Variants in AFF3 observed in about 807,000 individuals in gnomAD.
AFF3 encodes the protein AF4/FMR2 family member 3.
AFF3 carries 32 observed loss-of-function variants against 129.7 expected under a neutral mutation model. That is an observed-to-expected ratio of 0.25 (90% CI 0.19 to 0.33). The LOEUF is 0.33. Among genes scored for constraint, AFF3 ranks in the 10% least tolerant of loss-of-function variants. The probability of loss-of-function intolerance (pLI) is 1.00; values close to 1 mark genes in which losing one functional copy is unlikely to be tolerated. For missense variants in AFF3, 1,373 were observed against 1,592.0 expected, an observed-to-expected ratio of 0.86 and a Z score of 2.34; for synonymous variants, 644 against 635.4, an observed-to-expected ratio of 1.01 and a Z score of -0.20.
intron 13 of AFF3, among the ~76,000 whole-genome samples, chr2:99,630,127 C>T (rs1403504582): frequency 2.0e-5 from 3 of 152,160 alleles, no homozygotes; most frequent in Admixed American, 6.5e-5. Flanking sequence ...ATTTCTTTTA[C>T]GAGCTTTGCC....
At chr2:99,603,269 T>C (rs1229510490) in intron 13 of AFF3, among the ~76,000 whole-genome samples, 1 of 152,070 alleles carries the variant, frequency 6.6e-6, no homozygotes, top group Non-Finnish European at 1.5e-5. Context: ...TGAATCGAGA[T>C]GGTTACTGTC....
chr2:99,749,903 A>C (rs1558813678), intron 9 of AFF3, among the ~76,000 whole-genome samples: 1 of 152,220 alleles, frequency 6.6e-6, no homozygotes, highest in Non-Finnish European at 1.5e-5. Context: ...TCAACTATTG[A>C]CATAGGGTAT....
chr2:99,672,085 T>A (rs1277489534), intron 12 of AFF3, among the ~76,000 whole-genome samples: 1 of 152,068 alleles, frequency 6.6e-6, no homozygotes, highest in Non-Finnish European at 1.5e-5. Context: ...AATATCTGTG[T>A]AAGACTTCTC....
At chr2:99,791,585 C>T (rs1353270319) in intron 8 of AFF3, among the ~76,000 whole-genome samples, 1 of 152,162 alleles carries the variant, frequency 6.6e-6, no homozygotes, top group Non-Finnish European at 1.5e-5. Context: ...CTTCATTATT[C>T]ACGGATTCTT....
chr2:99,789,279 A>T (rs1685026030), intron 8 of AFF3, among the ~76,000 whole-genome samples: 1 of 151,884 alleles, frequency 6.6e-6, no homozygotes, highest in South Asian at 2.1e-4. Context: ...ACAAAAAATT[A>T]TCTGGGCATG....
intron 9 of AFF3, among the ~76,000 whole-genome samples, chr2:99,749,701 C>T (rs976733629): frequency 1.3e-5 from 2 of 152,198 alleles, no homozygotes; most frequent in African/African-American, 4.8e-5. Context: ...GATGTCAATT[C>T]CACCAATGAG....
intron 7 of AFF3, 114 bp from the exon 8 acceptor site, chr2:99,837,638 T>C: frequency 1.1e-6 from 1 of 900,940 alleles, no homozygotes; most frequent in Non-Finnish European, 1.7e-6. Context: ...GAGTTACAGG[T>C]TGAGGGGATG....
chr2:100,079,456 TG>T (rs985644312), intron 4 of AFF3, among the ~76,000 whole-genome samples: 2 of 152,218 alleles, frequency 1.3e-5, no homozygotes, highest in African/African-American at 4.8e-5. Flanking sequence ...ACAAACTCCT[TG>T]AGGGCAGATG....
intron 4 of AFF3, among the ~76,000 whole-genome samples, chr2:100,086,062 A>T (rs1689404054): frequency 6.6e-6 from 1 of 151,806 alleles, no homozygotes; most frequent in Admixed American, 6.6e-5. Context: ...CACTGGATTT[A>T]CTGTGGTCAG....
At chr2:99,997,082 T>C (rs1576507769) in intron 7 of AFF3, among the ~76,000 whole-genome samples, 1 of 152,212 alleles carries the variant, frequency 6.6e-6, no homozygotes, top group East Asian at 1.9e-4. Context: ...CTGCCCTCAC[T>C]CCCTGGGTTA....
chr2:99,593,093 G>T, intron 15 of AFF3, 102 bp downstream of exon 15: 3 of 1,379,874 alleles, frequency 2.2e-6, no homozygotes, highest in Non-Finnish European at 2.9e-6. Context: ...GCAGCCTACC[G>T]TCCCAAACAG....
intron 7 of AFF3, among the ~76,000 whole-genome samples, chr2:100,002,457 T>C (rs565037861): frequency 6.6e-6 from 1 of 152,364 alleles, no homozygotes; most frequent in East Asian, 1.9e-4. Flanking sequence ...ATGCCCTTCA[T>C]GAAAATTCTA....
intron 8 of AFF3, among the ~76,000 whole-genome samples, chr2:99,820,094 G>T (rs550111320): frequency 6.6e-6 from 1 of 152,284 alleles, no homozygotes; most frequent in Admixed American, 6.5e-5. Context: ...ACTATCAAAG[G>T]CACAGTCATG....
intron 8 of AFF3, among the ~76,000 whole-genome samples, chr2:99,766,127 C>A (rs1205007714): frequency 6.6e-6 from 1 of 152,144 alleles, no homozygotes; most frequent in Non-Finnish European, 1.5e-5. Flanking sequence ...TGATTACTGT[C>A]CAGGCAGGTG....
At chr2:100,106,594 C>T in intron 2 of AFF3, 1 of 989,384 alleles carries the variant, frequency 1.0e-6, no homozygotes, top group Non-Finnish European at 1.2e-6. Flanking sequence ...GGAACAGCCC[C>T]TGTCTGGAAG....
chr2:100,092,005 T>C (rs1219133786), intron 4 of AFF3, among the ~76,000 whole-genome samples: 1 of 148,740 alleles, frequency 6.7e-6, no homozygotes, highest in South Asian at 2.1e-4. Flanking sequence ...TCTCATTCTC[T>C]CCTCCTCCGC....
chr2:100,119,389 G>A (rs1691862045), intron 2 of AFF3, among the ~76,000 whole-genome samples: 1 of 152,116 alleles, frequency 6.6e-6, no homozygotes, highest in African/African-American at 2.4e-5. Context: ...CCACTGTTGG[G>A]CATTTGAAAG....
intron 15 of AFF3, among the ~76,000 whole-genome samples, chr2:99,592,428 C>G (rs746553560): frequency 6.6e-6 from 1 of 152,180 alleles, no homozygotes; most frequent in African/African-American, 2.4e-5. Context: ...TTTTCACCTG[C>G]CACAACCTTG....
intron 7 of AFF3, among the ~76,000 whole-genome samples, chr2:99,842,029 G>A (rs905017456): frequency 1.2e-4 from 18 of 152,088 alleles, no homozygotes; most frequent in African/African-American, 3.1e-4. Flanking sequence ...TAGACCAAAG[G>A]GGGAAGAGAG....
Sources: allele counts gnomAD v4.1 joint callset (sites outside exome capture counted in the v4.1 genomes callset), GRCh38; gene constraint gnomAD v4.1.1; transcripts MANE v1.5; gene names NCBI Gene and HGNC (gene_info 2026-07-23, HGNC 2026-07-21).